The following FNTA variants were observed in gnomAD, a reference collection of about 807,000 sequenced individuals.
The protein encoded by FNTA is protein farnesyltransferase/geranylgeranyltransferase type-1 subunit alpha.
FNTA carries 27 observed loss-of-function variants against 55.2 expected under a neutral mutation model. The ratio of observed to expected loss-of-function variants is 0.49; its 90% CI spans 0.36 to 0.67. The LOEUF is 0.67. FNTA is among the 30% of genes least tolerant of loss of function. The probability of loss-of-function intolerance (pLI) is 0.00; values close to 1 mark genes in which losing one functional copy is unlikely to be tolerated. For missense variants in FNTA, 422 were observed against 464.7 expected (o/e 0.91, Z 0.85); for synonymous variants, 176 against 170.7 (o/e 1.03, Z -0.24).
intron 1 of FNTA, among the ~76,000 whole-genome samples, chr8:43,058,427 C>G (rs1300014533): frequency 6.6e-6 from 1 of 152,156 alleles, no homozygotes; most frequent in Non-Finnish European, 1.5e-5. Flanking sequence ...AAAATGCTGA[C>G]TGACTCAAAG....
At chr8:43,065,218 AT>A (rs1352799652) in intron 3 of FNTA, among the ~76,000 whole-genome samples, 2 of 151,342 alleles carry the variant, frequency 1.3e-5, no homozygotes, top group Admixed American at 6.6e-5. Flanking sequence ...TGAGCACTCA[AT>A]TTATGTTCAT....
intron 5 of FNTA, 83 bp downstream of exon 5, chr8:43,072,390 C>A: frequency 1.0e-6 from 1 of 1,001,070 alleles, no homozygotes. Context: ...TGTTTCTAAA[C>A]CAAAACACAC....
At chr8:43,059,921 A>T (rs1810492853) in intron 2 of FNTA, among the ~76,000 whole-genome samples, 1 of 152,226 alleles carries the variant, frequency 6.6e-6, no homozygotes, top group Non-Finnish European at 1.5e-5. Context: ...AGTAGCACAG[A>T]AGTAGATTTG....
chr8:43,068,385 A>T (rs1269721496), intron 3 of FNTA, among the ~76,000 whole-genome samples: 1 of 152,210 alleles, frequency 6.6e-6, no homozygotes, highest in East Asian at 1.9e-4. Flanking sequence ...AGAACTAACG[A>T]CGTCTTTAGG....
chr8:43,062,361 A>G (rs1443421081), intron 2 of FNTA, among the ~76,000 whole-genome samples: 2 of 151,634 alleles, frequency 1.3e-5, no homozygotes, highest in Non-Finnish European at 2.9e-5. Context: ...GGCTCACTGC[A>G]ACCTCTGTCT....
chr8:43,061,098 A>G (rs1810519669), intron 2 of FNTA, among the ~76,000 whole-genome samples: 1 of 152,250 alleles, frequency 6.6e-6, no homozygotes, highest in South Asian at 2.1e-4. Flanking sequence ...TATATTAGGT[A>G]TTAAGATATA....
In FNTA at chr8:43,059,177, T is replaced by C; in HGVS notation, c.286T>C (p.Phe96Leu). The change falls in exon 2 of 9, where the codon TTT becomes CTT. Residue 96 changes from phenylalanine to leucine, a missense_variant and splice_region_variant. By Grantham distance (22) the Phe-to-Leu change is conservative. Transcript: ENST00000302279. ...PVVQIIYSDK[F>L]RDVYDYFRAV... Reference sequence around the variant, plus strand: ...GGTCCAGATCATTTATAGTGACAAATGTAAGTTTGTTTATATTAGGAAAAG... The same window carrying C: ...GGTCCAGATCATTTATAGTGACAAACGTAAGTTTGTTTATATTAGGAAAAG... The C allele has an allele frequency of 6.2e-7, 1 of 1,605,148 alleles. No homozygotes were observed. Among genetic ancestry groups the C allele is most frequent in the Non-Finnish European group, 8.5e-7 (1 of 1,174,572 alleles).
intron 5 of FNTA, among the ~76,000 whole-genome samples, chr8:43,075,357 TCTTA>T (rs34174789): frequency 0.74 from 112,015 of 151,612 alleles, 43,648 homozygotes; most frequent in Non-Finnish European, 0.87. Flanking sequence ...CATAGGAGAT[TCTTA>T]CTTTTTTGCT....
At chr8:43,075,333 A>C (rs899972716) in intron 5 of FNTA, among the ~76,000 whole-genome samples, 1 of 137,564 alleles carries the variant, frequency 7.3e-6, no homozygotes, top group Non-Finnish European at 1.6e-5. Flanking sequence ...ATCACCTGTA[A>C]AATCGGGGAC....
intron 2 of FNTA, among the ~76,000 whole-genome samples, 163 bp downstream of exon 2, chr8:43,059,340 AG>A (rs2130539950): frequency 6.6e-6 from 1 of 152,300 alleles, no homozygotes; most frequent in East Asian, 1.9e-4. Flanking sequence ...TGTGTGATTT[AG>A]CTTTATGATT....
At chr8:43,081,068 A>C (rs1238813507) in intron 6 of FNTA, 5 of 152,086 alleles carry the variant, frequency 3.3e-5, no homozygotes, top group Admixed American at 3.3e-4. Flanking sequence ...ATTTTTTTTA[A>C]CTCTAAGCAT....
At chr8:43,079,608 C>T (rs993435173) in intron 6 of FNTA, 1 of 152,218 alleles carries the variant, frequency 6.6e-6, no homozygotes, top group African/African-American at 2.4e-5. Context: ...CAAGGAGATG[C>T]TGTTTTCATG....
chr8:43,075,027 T>TCTAA lies in FNTA; in HGVS notation c.634-2188_634-2185dup, dbSNP rs570851808. ...AGTAAGATGTTTACCATTTGGGGAA[T>TCTAA]CTAAGTGAAGGGTACACAGGGCACT... On this transcript the variant is annotated intron_variant, in intron 5 of 8. Coordinates refer to ENST00000302279, the MANE Select transcript of FNTA (RefSeq NM_002027.3). 2.3e-4 allele frequency among the ~76,000 whole-genome samples: 35 copies of TCTAA among 152,332 alleles called. No individual in the cohort carries two copies. In the South Asian group the frequency reaches 7.0e-3, roughly 31 times the overall value.
intron 3 of FNTA, 66 bp from the exon 4 acceptor site, chr8:43,069,489 T>A: frequency 1.0e-6 from 1 of 988,272 alleles, no homozygotes. Flanking sequence ...TGTAGCTGTA[T>A]TTGATATTGT....
intron 6 of FNTA, chr8:43,082,421 G>C (rs895418282): frequency 3.3e-5 from 5 of 152,098 alleles, no homozygotes; most frequent in African/African-American, 9.7e-5. Context: ...TCCTATTTCA[G>C]TGACTAGGGA....
At chr8:43,078,363 T>TA (rs1563330120) in intron 6 of FNTA, 1 of 152,196 alleles carries the variant, frequency 6.6e-6, no homozygotes, top group Non-Finnish European at 1.5e-5. Flanking sequence ...TTGTTTTTTT[T>TA]AACAAGTTGA....
chr8:43,057,930 G>T (rs542412526), intron 1 of FNTA, among the ~76,000 whole-genome samples: 137 of 147,324 alleles, frequency 9.3e-4, no homozygotes, highest in African/African-American at 3.4e-3. Flanking sequence ...TTGCACCACA[G>T]CCTGGACAAG....
intron 6 of FNTA, 35 bp downstream of exon 6, chr8:43,077,399 A>G (rs1175077400): frequency 3.2e-6 from 5 of 1,565,774 alleles, no homozygotes; most frequent in Admixed American, 1.7e-5. Context: ...ATTCGTTACA[A>G]ACATGTTTGC....
At chr8:43,064,274 CT>C (rs1563326339) in intron 3 of FNTA, 59 bp downstream of exon 3, 5 of 1,101,346 alleles carry the variant, frequency 4.5e-6, no homozygotes, top group South Asian at 1.3e-5. Flanking sequence ...AGTGGCTTTT[CT>C]TTTTTTAAAC....
Sources: gnomAD v4.1 joint callset for allele counts (sites outside exome capture counted in the v4.1 genomes callset) on GRCh38, gnomAD v4.1.1 for gene constraint, MANE v1.5 for transcripts, NCBI Gene and HGNC (gene_info 2026-07-23, HGNC 2026-07-21) for gene names.